TTC7B: variants seen among roughly 807,000 people sequenced by gnomAD.
The protein encoded by TTC7B is tetratricopeptide repeat protein 7B.
TTC7B carries 28 observed loss-of-function variants against 106.8 expected under a neutral mutation model. That is an observed-to-expected ratio of 0.26 (90% confidence interval 0.19 to 0.36). The LOEUF (loss-of-function observed/expected upper bound fraction) is 0.36, where lower values mean the gene tolerates loss of function less well. Ranked by LOEUF, TTC7B falls within the 10% of genes least tolerant of loss-of-function variation. The pLI is 1.00. For synonymous variants in TTC7B, 405 were observed against 430.6 expected, an observed-to-expected ratio of 0.94 and a Z score of 0.74; for missense variants, 862 against 1,076.4, an observed-to-expected ratio of 0.80 and a Z score of 2.79.
chr14:90,671,940 C>T (rs1035935898), intron 9 of TTC7B, among the ~76,000 whole-genome samples: 2 of 152,188 alleles, frequency 1.3e-5, no homozygotes, highest in African/African-American at 2.4e-5. Flanking sequence ...CCACTTACCC[C>T]TGTGAGCACA....
chr14:90,746,830 A>G (rs1889982746), intron 3 of TTC7B, among the ~76,000 whole-genome samples: 1 of 152,174 alleles, frequency 6.6e-6, no homozygotes, highest in African/African-American at 2.4e-5. Flanking sequence ...TTAGTTTCCA[A>G]ATATTTGGGA....
chr14:90,712,307 A>C (rs187455468), intron 5 of TTC7B, among the ~76,000 whole-genome samples: 49 of 152,318 alleles, frequency 3.2e-4, no homozygotes, highest in African/African-American at 9.6e-4. Context: ...TAAGGCAATA[A>C]ATAGAAATAA....
chr14:90,753,486 G>A (rs990878669), intron 3 of TTC7B, among the ~76,000 whole-genome samples: 13 of 152,202 alleles, frequency 8.5e-5, no homozygotes, highest in Admixed American at 2.0e-4. Flanking sequence ...CTGGTCTTGT[G>A]TTCTTGCCTC....
At chr14:90,593,917 C>T (rs552526098) in intron 17 of TTC7B, 3 of 279,174 alleles carry the variant, frequency 1.1e-5, no homozygotes, top group African/African-American at 6.5e-5. Flanking sequence ...TGTGATGATA[C>T]TGGCGTTTAA....
rs1219512317 is a variant in TTC7B at position 90,570,939 on chromosome 14, C to G, written c.2310+7167G>C. Among the ~76,000 whole-genome samples, 1 of 152,164 alleles carries G rather than the reference C, an allele frequency of 6.6e-6. No homozygotes were observed. Among genetic ancestry groups the G allele is most frequent in the Admixed American group, 6.5e-5 (1 of 15,286 alleles). On this transcript the variant is annotated intron_variant, in intron 19 of 19. Coordinates refer to ENST00000328459, the MANE Select transcript of TTC7B (RefSeq NM_001010854.2). This position sits in a 1 kb window ranked among gnomAD's most constrained non-coding sequence, Gnocchi z 4.0. ...GACACAGCTGGGACTGGAACCCAGG[C>G]AGCTGGCGCCAGCACCGTGCTCCCG...
rs370873395 is a variant in TTC7B, at chr14:90,776,140, GACACAC to G, written c.445+4592_445+4597del. Among the ~76,000 whole-genome samples the G allele has an allele frequency of 8.4e-3, 1,173 of 140,350 alleles. 10 individuals carry two copies. Among genetic ancestry groups the G allele is most frequent in the African/African-American group, 0.028 (1,015 of 36,348 alleles). 92.1% of individuals were successfully genotyped at this position (140,350 alleles called of 152,430 possible). A position where few individuals can be genotyped will look rare whatever the true frequency, so the allele number is the denominator to read the frequency against. ...AGCAGGGCAGGAGAGGGCCCCCCGTGACACACACACACACACACACACACACACACA... is the reference window on the plus strand; with the variant it reads ...AGCAGGGCAGGAGAGGGCCCCCCGTGACACACACACACACACACACACACA... On this transcript the variant is annotated intron_variant, in intron 3 of 19. Coordinates refer to ENST00000328459, the MANE Select transcript of TTC7B (RefSeq NM_001010854.2).
In TTC7B at chr14:90,759,370, A is replaced by G. The variant is rs190539192; in HGVS notation, c.446-14448T>C. The stretch of plus-strand genomic sequence containing the variant: ...TGGGTGGTGACGGAACAAGCACCGT[A>G]CTAGGAGTTTTAAAATATAAAACAC... On this transcript the variant is annotated intron_variant, in intron 3 of 19. Coordinates refer to ENST00000328459, the MANE Select transcript of TTC7B (RefSeq NM_001010854.2). This position sits in a 1 kb window ranked among gnomAD's most constrained non-coding sequence, Gnocchi z 4.1. Among the ~76,000 whole-genome samples the G allele has an allele frequency of 6.6e-6, 1 of 152,340 alleles. No homozygotes were observed. The highest frequency in any genetic ancestry group is 1.9e-4 in the East Asian group (1 of 5,192).
chr14:90,549,788 C>T (rs952538404), intron 19 of TTC7B, among the ~76,000 whole-genome samples: 14 of 152,216 alleles, frequency 9.2e-5, no homozygotes, highest in East Asian at 3.9e-4. Flanking sequence ...ACTAACCAAA[C>T]GGGGGAGTTA....
chr14:90,722,505 G>A (rs1888935948), intron 5 of TTC7B, among the ~76,000 whole-genome samples: 1 of 152,162 alleles, frequency 6.6e-6, no homozygotes, highest in South Asian at 2.1e-4. Context: ...TTAGCCTGCT[G>A]TTTAATCTTC....
intron 5 of TTC7B, among the ~76,000 whole-genome samples, chr14:90,714,086 T>A (rs1478598003): frequency 6.6e-6 from 1 of 152,104 alleles, no homozygotes; most frequent in African/African-American, 2.4e-5. Context: ...AAAAATTAGC[T>A]GAGCGTGGTG....
At chr14:90,699,816 G>A (rs1887914196) in intron 5 of TTC7B, among the ~76,000 whole-genome samples, 2 of 152,166 alleles carry the variant, frequency 1.3e-5, no homozygotes, top group African/African-American at 4.8e-5. Context: ...TGGTCCCTGA[G>A]GACACACTGT....
At chr14:90,700,670 C>T (rs902716177) in intron 5 of TTC7B, among the ~76,000 whole-genome samples, 1 of 147,442 alleles carries the variant, frequency 6.8e-6, no homozygotes, top group Non-Finnish European at 1.5e-5. Flanking sequence ...TCATCATATA[C>T]GTATACCCTT....
intron 5 of TTC7B, among the ~76,000 whole-genome samples, chr14:90,714,223 T>G (rs1888559140): frequency 6.7e-6 from 1 of 149,786 alleles, no homozygotes; most frequent in Non-Finnish European, 1.5e-5. Context: ...AGAGCGAAAC[T>G]CTGTCTCAAA....
chr14:90,679,777 G>A (rs896773247), intron 8 of TTC7B, among the ~76,000 whole-genome samples: 9 of 152,226 alleles, frequency 5.9e-5, no homozygotes, highest in Non-Finnish European at 1.3e-4. Context: ...AGCGCCTAGT[G>A]ATAGATACAC....
chr14:90,603,602 A>G (rs1183800398), intron 17 of TTC7B, among the ~76,000 whole-genome samples: 1 of 152,216 alleles, frequency 6.6e-6, no homozygotes, highest in Non-Finnish European at 1.5e-5. Context: ...AAGGGAAGGG[A>G]AAAATAATCA....
At chr14:90,673,084 G>T (rs1468741802) in intron 9 of TTC7B, among the ~76,000 whole-genome samples, 1 of 152,202 alleles carries the variant, frequency 6.6e-6, no homozygotes, top group Non-Finnish European at 1.5e-5. Flanking sequence ...GACACACTAT[G>T]TTGATGACCT....
chr14:90,790,388 T>C (rs555664576), intron 1 of TTC7B, among the ~76,000 whole-genome samples: 1 of 152,118 alleles, frequency 6.6e-6, no homozygotes, highest in African/African-American at 2.4e-5. Context: ...TATCCATCTA[T>C]GTAGAACTTC....
intron 19 of TTC7B, among the ~76,000 whole-genome samples, chr14:90,552,870 A>G (rs180727506): frequency 1.3e-5 from 2 of 152,286 alleles, no homozygotes; most frequent in East Asian, 3.9e-4. Flanking sequence ...CAGAACCGAA[A>G]CGGGGTGGCT....
intron 5 of TTC7B, among the ~76,000 whole-genome samples, chr14:90,722,469 C>T (rs1888934346): frequency 1.3e-5 from 2 of 152,224 alleles, no homozygotes; most frequent in African/African-American, 4.8e-5. Context: ...GGCTTCTCCA[C>T]ACCTAGAGAA....
Sources: gnomAD v4.1 joint callset for allele counts (sites outside exome capture counted in the v4.1 genomes callset) on GRCh38, gnomAD v4.1.1 for gene constraint, Gnocchi (gnomAD v3.1) non-coding constraint, MANE v1.5 for transcripts, NCBI Gene and HGNC (gene_info 2026-07-23, HGNC 2026-07-21) for gene names.